Variants in DDX10 observed in about 807,000 individuals in gnomAD.
DDX10 encodes probable ATP-dependent RNA helicase DDX10.
A neutral mutation model predicts 104.3 loss-of-function variants in DDX10; 74 were observed. That is an observed-to-expected ratio of 0.71 (90% CI 0.59 to 0.86). The LOEUF is 0.86. DDX10 is among the 40% of genes least tolerant of loss of function. The pLI, the probability that DDX10 is intolerant of heterozygous loss-of-function variation, is 0.00. For synonymous variants in DDX10, 351 were observed against 353.4 expected, an observed-to-expected ratio of 0.99 and a Z score of 0.08; for missense variants, 952 against 1,040.0, an observed-to-expected ratio of 0.92 and a Z score of 1.16.
At chr11:108,778,237 A>T (rs566818735) in intron 13 of DDX10, among the ~76,000 whole-genome samples, 1 of 152,188 alleles carries the variant, frequency 6.6e-6, no homozygotes, top group African/African-American at 2.4e-5. Flanking sequence ...CATTGCCAAG[A>T]CAATCCTAAG....
intron 13 of DDX10, among the ~76,000 whole-genome samples, chr11:108,769,445 T>C (rs981674552): frequency 1.3e-5 from 2 of 151,958 alleles, no homozygotes; most frequent in African/African-American, 2.4e-5. Context: ...TCTAATCTGC[T>C]CTTAAAAAAA....
intron 9 of DDX10, among the ~76,000 whole-genome samples, chr11:108,696,358 G>A (rs956014508): frequency 1.3e-5 from 2 of 152,212 alleles, no homozygotes; most frequent in African/African-American, 2.4e-5. Flanking sequence ...TGTATTTTTA[G>A]TAGAGATGGC....
intron 16 of DDX10, among the ~76,000 whole-genome samples, chr11:108,900,575 T>C (rs1265010018): frequency 6.6e-6 from 1 of 152,222 alleles, no homozygotes; most frequent in Non-Finnish European, 1.5e-5. Flanking sequence ...TAGTTAGTTA[T>C]TAATACCATT....
intron 7 of DDX10, among the ~76,000 whole-genome samples, 179 bp downstream of exon 7, chr11:108,689,241 A>C (rs1181676223): frequency 6.6e-6 from 1 of 152,212 alleles, no homozygotes; most frequent in Non-Finnish European, 1.5e-5. Context: ...CAAGGACAGA[A>C]ACTGTGTCTT....
At chr11:108,686,766 G>A (rs1373557945) in intron 6 of DDX10, among the ~76,000 whole-genome samples, 8 of 152,116 alleles carry the variant, frequency 5.3e-5, no homozygotes, top group African/African-American at 2.4e-5. Flanking sequence ...ACCAAGGAAC[G>A]TGATAGTTGG....
chr11:108,844,466 C>T (rs1268826189), intron 15 of DDX10, among the ~76,000 whole-genome samples: 1 of 152,182 alleles, frequency 6.6e-6, no homozygotes, highest in Non-Finnish European at 1.5e-5. Flanking sequence ...CAAATATGGG[C>T]ACTCAAATCA....
chr11:108,841,999 A>T (rs1483963610), intron 15 of DDX10, among the ~76,000 whole-genome samples: 1 of 152,198 alleles, frequency 6.6e-6, no homozygotes, highest in Non-Finnish European at 1.5e-5. Flanking sequence ...CCATTCAACC[A>T]TTGGAAAAGA....
chr11:108,698,811 C>A (rs1430355002), intron 9 of DDX10, among the ~76,000 whole-genome samples: 7 of 152,216 alleles, frequency 4.6e-5, no homozygotes, highest in Admixed American at 4.6e-4. Context: ...CGTTTCCCCC[C>A]AGTTTGCTAG....
chr11:108,747,941 A>C (rs2094333832), intron 13 of DDX10, among the ~76,000 whole-genome samples: 1 of 152,136 alleles, frequency 6.6e-6, no homozygotes, highest in African/African-American at 2.4e-5. Context: ...ATACATATAC[A>C]GTAGGAGTGA....
At chr11:108,708,447 T>C (rs760415295) in intron 10 of DDX10, among the ~76,000 whole-genome samples, 4 of 151,850 alleles carry the variant, frequency 2.6e-5, no homozygotes, top group Non-Finnish European at 5.9e-5. Context: ...TTGGATTCAA[T>C]GTGCTAATAT....
intron 13 of DDX10, among the ~76,000 whole-genome samples, chr11:108,758,834 C>T (rs188227624): frequency 1.3e-5 from 2 of 152,146 alleles, no homozygotes; most frequent in African/African-American, 2.4e-5. Flanking sequence ...TGCCTTAATT[C>T]GTTTTTGCCA....
intron 13 of DDX10, among the ~76,000 whole-genome samples, chr11:108,799,771 G>A (rs1023329751): frequency 2.0e-5 from 3 of 152,168 alleles, no homozygotes; most frequent in Admixed American, 6.5e-5. Flanking sequence ...GGCATCTGGA[G>A]AACTTTGTCT....
chr11:108,893,347 C>G (rs1044801602), intron 16 of DDX10, among the ~76,000 whole-genome samples: 1 of 151,694 alleles, frequency 6.6e-6, no homozygotes, highest in Non-Finnish European at 1.5e-5. Flanking sequence ...ATATTAAAAC[C>G]CAAAGATTTG....
intron 13 of DDX10, among the ~76,000 whole-genome samples, chr11:108,743,122 A>T (rs1292021133): frequency 6.6e-6 from 1 of 152,124 alleles, no homozygotes; most frequent in Admixed American, 6.5e-5. Context: ...TAGATGCAAA[A>T]ATCCTCAACA....
chr11:108,861,263 G>A (rs1053198825), intron 16 of DDX10, among the ~76,000 whole-genome samples: 2 of 152,030 alleles, frequency 1.3e-5, no homozygotes, highest in Non-Finnish European at 2.9e-5. Context: ...TGCCCTGGAC[G>A]TGCCTGCCTA....
chr11:108,761,134 C>T (rs926022070), intron 13 of DDX10, among the ~76,000 whole-genome samples: 10 of 152,012 alleles, frequency 6.6e-5, no homozygotes, highest in African/African-American at 1.7e-4. Flanking sequence ...GTTATAATCT[C>T]CAAGGACCTG....
chr11:108,836,771 G>A (rs1862561166), intron 13 of DDX10, among the ~76,000 whole-genome samples: 1 of 152,148 alleles, frequency 6.6e-6, no homozygotes, highest in Non-Finnish European at 1.5e-5. Flanking sequence ...TTATAGGTGT[G>A]ATTCACCACA....
At chr11:108,776,788 G>A (rs1390750406) in intron 13 of DDX10, among the ~76,000 whole-genome samples, 1 of 152,176 alleles carries the variant, frequency 6.6e-6, no homozygotes, top group Non-Finnish European at 1.5e-5. Context: ...TTGTGAGAAG[G>A]TGGTCTAAAG....
At chr11:108,893,023 A>C (rs1265247088) in intron 16 of DDX10, among the ~76,000 whole-genome samples, 1 of 152,006 alleles carries the variant, frequency 6.6e-6, no homozygotes, top group African/African-American at 2.4e-5. Context: ...AGTCCTCTTG[A>C]TTTATTTTGT....
Sources: allele counts gnomAD v4.1 joint callset (sites outside exome capture counted in the v4.1 genomes callset), GRCh38; gene constraint gnomAD v4.1.1; transcripts MANE v1.5; gene names NCBI Gene and HGNC (gene_info 2026-07-23, HGNC 2026-07-21).